PCDHGB4: variants seen among roughly 807,000 people sequenced by gnomAD.
PCDHGB4 encodes the protein protocadherin gamma subfamily B, 4, also known as protocadherin gamma-B4.
Under a neutral mutation model 60.5 loss-of-function variants are expected in PCDHGB4, and 38 were observed. The ratio of observed to expected loss-of-function variants is 0.63; its 90% CI spans 0.48 to 0.82. The LOEUF (loss-of-function observed/expected upper bound fraction) is 0.82. Ranked by LOEUF, PCDHGB4 falls within the 40% of genes least tolerant of loss-of-function variation. The pLI, the probability that PCDHGB4 is intolerant of heterozygous loss-of-function variation, is 0.00. For missense variants in PCDHGB4, 1,109 were observed against 1,209.6 expected (o/e 0.92, Z 1.23); for synonymous variants, 456 against 509.7 (o/e 0.89, Z 1.42).
chr5:141,394,132 T>C, intron 1 of PCDHGB4: 1 of 1,613,980 alleles, frequency 6.2e-7, no homozygotes, highest in Non-Finnish European at 8.5e-7. Flanking sequence ...CAAATCGCTC[T>C]GCACGTGGCA....
In PCDHGB4 at chr5:141,406,998, A is replaced by G. The variant is rs138992041; in HGVS notation, c.2397+16717A>G. ...AACATTTCACAAGACATTTGAAAAT[A>G]AGCTTTGAAGTTGACTCAAAATTCT... On this transcript the variant is annotated intron_variant, in intron 1 of 3. Transcript: ENST00000519479. 7.5e-3 allele frequency among the ~76,000 whole-genome samples: 1,140 copies of G among 152,352 alleles called. 5 individuals carry two copies. The highest frequency in any genetic ancestry group is 0.012 in the Non-Finnish European group (837 of 68,024).
chr5:141,486,688 C>G lies in PCDHGB4; in HGVS notation c.2398-8119C>G, dbSNP rs748605515. On this transcript the variant is annotated intron_variant, in intron 1 of 3. Coordinates refer to ENST00000519479, the MANE Select transcript of PCDHGB4 (RefSeq NM_003736.4). This position sits in a 1 kb window ranked among gnomAD's most constrained non-coding sequence, Gnocchi z 5.0. ...CCAGGAATCGAGATGTATCAGCTTCCTCTTTCATCTCTCTGAACCCCCAGA... is the reference window on the plus strand; with the variant it reads ...CCAGGAATCGAGATGTATCAGCTTCGTCTTTCATCTCTCTGAACCCCCAGA... The G allele has an allele frequency of 1.2e-6, 2 of 1,614,170 alleles. No homozygotes were observed. The highest frequency in any genetic ancestry group is 8.5e-7 in the Non-Finnish European group (1 of 1,180,044).
intron 1 of PCDHGB4, among the ~76,000 whole-genome samples, chr5:141,446,411 G>A (rs778985047): frequency 1.3e-5 from 2 of 152,086 alleles, no homozygotes; most frequent in Non-Finnish European, 2.9e-5. Flanking sequence ...TTGAGTTCCA[G>A]CCATGTTCAT....
At chr5:141,497,807 T>G (rs2099779585) in intron 2 of PCDHGB4, among the ~76,000 whole-genome samples, 1 of 152,210 alleles carries the variant, frequency 6.6e-6, no homozygotes, top group African/African-American at 2.4e-5. Context: ...CCCAAAGTGC[T>G]AGAATTACAG....
intron 1 of PCDHGB4, chr5:141,415,740 G>GTTTTTTTTTTTTTGTTT (rs2095912299): frequency 1.9e-6 from 1 of 515,998 alleles, no homozygotes; most frequent in Non-Finnish European, 2.6e-6. Context: ...GTTTATTAAG[G>GTTTTTTTTTTTTTGTTT]TTTTTTTTTT....
chr5:141,509,350 G>C (rs2099876432), intron 3 of PCDHGB4, among the ~76,000 whole-genome samples: 5 of 152,142 alleles, frequency 3.3e-5, no homozygotes. Flanking sequence ...GGGCTGGCCT[G>C]GGCATCCCTG....
At chr5:141,434,199 T>G (rs1406339464) in intron 1 of PCDHGB4, among the ~76,000 whole-genome samples, 1 of 151,914 alleles carries the variant, frequency 6.6e-6, no homozygotes, top group Non-Finnish European at 1.5e-5. Context: ...CCAATGTACT[T>G]ACTTCTGTCA....
chr5:141,407,406 C>T (rs971404616), intron 1 of PCDHGB4, among the ~76,000 whole-genome samples: 2 of 152,090 alleles, frequency 1.3e-5, no homozygotes, highest in East Asian at 3.8e-4. Flanking sequence ...AGTTACTATT[C>T]GATACCACAA....
intron 1 of PCDHGB4, among the ~76,000 whole-genome samples, chr5:141,454,379 T>A (rs770736083): frequency 1.2e-3 from 179 of 152,316 alleles, no homozygotes; most frequent in Non-Finnish European, 2.1e-3. Flanking sequence ...TGGCAACTTG[T>A]CAAGATGAAG....
intron 1 of PCDHGB4, chr5:141,468,381 G>A (rs1297428363): frequency 2.0e-5 from 3 of 149,754 alleles, no homozygotes; most frequent in South Asian, 2.1e-4. Flanking sequence ...AGCCATACAA[G>A]GCTACCCATT....
In PCDHGB4 at chr5:141,419,316, G is replaced by A. The variant is rs775328616; in HGVS notation, c.2397+29035G>A. 1.1e-5 allele frequency: 18 copies of A among 1,613,994 alleles called. No individual in the cohort carries two copies. In the South Asian group the frequency reaches 1.8e-4, roughly 16 times the overall value. On this transcript the variant is annotated intron_variant, in intron 1 of 3. Coordinates refer to ENST00000519479, the MANE Select transcript of PCDHGB4 (RefSeq NM_003736.4). ...GACCCAGACTTCGGGCTCAACGGCC[G>A]TGTCTCCTACTCTCTCATTGCCAGC...
At chr5:141,392,721 G>A (rs1169584002) in intron 1 of PCDHGB4, 25 of 1,390,348 alleles carry the variant, frequency 1.8e-5, no homozygotes, top group South Asian at 3.2e-5. Context: ...CAGGTTTCCG[G>A]AGGATTGTCA....
chr5:141,491,291 C>T lies in PCDHGB4; in HGVS notation c.2398-3516C>T. 1 of 1,614,152 alleles carries T rather than the reference C, an allele frequency of 6.2e-7. No homozygotes were observed. The highest frequency in any genetic ancestry group is 8.5e-7 in the Non-Finnish European group (1 of 1,179,974). On this transcript the variant is annotated intron_variant, in intron 1 of 3. Coordinates refer to ENST00000519479, the MANE Select transcript of PCDHGB4 (RefSeq NM_003736.4). This position sits in a 1 kb window ranked among gnomAD's most constrained non-coding sequence, Gnocchi z 6.9. The stretch of plus-strand genomic sequence containing the variant: ...AAATCCAGTGACTTCCTCATACACC[C>T]TCCTGAGCGTTCAGACCTTACCCTT...
chr5:141,471,003 C>A (rs2099246040), intron 1 of PCDHGB4, among the ~76,000 whole-genome samples: 1 of 151,658 alleles, frequency 6.6e-6, no homozygotes, highest in East Asian at 1.9e-4. Flanking sequence ...AGGCATGAGC[C>A]ACTGTGCCTG....
intron 1 of PCDHGB4, among the ~76,000 whole-genome samples, chr5:141,475,629 C>T (rs77593456): frequency 0.054 from 8,157 of 152,234 alleles, 446 homozygotes; most frequent in African/African-American, 0.15. Flanking sequence ...TGGTTCGATC[C>T]CCTTTCTTGT....
intron 1 of PCDHGB4, among the ~76,000 whole-genome samples, chr5:141,494,469 C>T (rs2099754623): frequency 6.6e-6 from 1 of 152,114 alleles, no homozygotes; most frequent in Non-Finnish European, 1.5e-5. Flanking sequence ...GCACCTCTTC[C>T]CCCAGTTCCA....
intron 3 of PCDHGB4, among the ~76,000 whole-genome samples, chr5:141,510,089 C>G (rs2099879446): frequency 6.6e-6 from 1 of 152,136 alleles, no homozygotes; most frequent in African/African-American, 2.4e-5. Flanking sequence ...GCCTGGCACA[C>G]AGTAGGTGCT....
At chr5:141,455,911 ATTTT>A (rs1404284843) in intron 1 of PCDHGB4, among the ~76,000 whole-genome samples, 2 of 114,614 alleles carry the variant, frequency 1.7e-5, no homozygotes, top group African/African-American at 3.3e-5. Context: ...TTATTTATTT[ATTTT>A]GAGACGGAGT....
intron 1 of PCDHGB4, among the ~76,000 whole-genome samples, chr5:141,468,047 G>A (rs901583535): frequency 2.0e-5 from 3 of 152,050 alleles, no homozygotes; most frequent in Non-Finnish European, 2.9e-5. Context: ...AAACTAAGCC[G>A]GGCACAGTGG....
Sources: gnomAD v4.1 joint callset for allele counts (sites outside exome capture counted in the v4.1 genomes callset) on GRCh38, gnomAD v4.1.1 for gene constraint, Gnocchi (gnomAD v3.1) non-coding constraint, MANE v1.5 for transcripts, NCBI Gene and HGNC (gene_info 2026-07-23, HGNC 2026-07-21) for gene names.